The following ARHGEF10 variants were observed in gnomAD, a reference collection of about 807,000 sequenced individuals.
ARHGEF10 encodes the protein Rho guanine nucleotide exchange factor 10.
ARHGEF10 carries 140 observed loss-of-function variants against 147.4 expected under a neutral mutation model. The observed-to-expected ratio is 0.95, with a 90% confidence interval of 0.83 to 1.09. The LOEUF (loss-of-function observed/expected upper bound fraction) is 1.09. ARHGEF10 is among the 50% of genes least tolerant of loss of function. The pLI is 0.00. For missense variants in ARHGEF10, 2,222 were observed against 1,752.7 expected (o/e 1.27, Z -4.78); for synonymous variants, 902 against 695.8 (o/e 1.30, Z -4.67).
chr8:1,940,469 G>C (rs1178574923), intron 26 of ARHGEF10, among the ~76,000 whole-genome samples: 1 of 152,114 alleles, frequency 6.6e-6, no homozygotes, highest in Non-Finnish European at 1.5e-5. Flanking sequence ...AAAGTAGTAA[G>C]GAAATTGAAT....
chr8:1,898,015 CA>C (rs1810149107), intron 14 of ARHGEF10, among the ~76,000 whole-genome samples: 2 of 152,160 alleles, frequency 1.3e-5, no homozygotes, highest in South Asian at 4.1e-4. Context: ...GCCTTGGTAG[CA>C]AATGGCCCCA....
At chr8:1,901,609 G>T (rs113742144) in intron 15 of ARHGEF10, among the ~76,000 whole-genome samples, 1,729 of 152,344 alleles carry the variant, frequency 0.011, 43 homozygotes, top group African/African-American at 0.04. Context: ...CCTTCCCTGA[G>T]CCTCCTTGGG....
At chr8:1,955,379 A>G in intron 28 of ARHGEF10, among the ~76,000 whole-genome samples, 2 of 140,256 alleles carry the variant, frequency 1.4e-5, no homozygotes, top group Admixed American at 7.0e-5. Flanking sequence ...GCTCCCTGAA[A>G]GGAGGTGTAC....
intron 5 of ARHGEF10, among the ~76,000 whole-genome samples, chr8:1,865,444 CA>C (rs1284019783): frequency 1.3e-5 from 2 of 151,558 alleles, no homozygotes; most frequent in Non-Finnish European, 2.9e-5. Context: ...AGGGGGCCAT[CA>C]CCAGGGCATG....
rs776020924 is a variant in ARHGEF10 at position 1,923,857 on chromosome 8, T to C, written c.2471T>C (p.Met824Thr). 6.2e-7 allele frequency: 1 copy of C among 1,614,174 alleles called. No homozygotes were observed. ...IKESWVNSLQ[M>T]AKLALEEENH... ...GAGTCCTGGGTCAACAGCTTACAGA[T>C]GGCCAAGCTCGCCCTAGGTAAGGCC... The change falls in exon 21 of 29, where the codon ATG (methionine) becomes ACG (threonine). Residue 824 changes from methionine to threonine, a missense_variant. Coordinates refer to ENST00000349830, the MANE Select transcript of ARHGEF10 (RefSeq NM_014629.4).
At chr8:1,939,600 G>A (rs1013384369) in intron 26 of ARHGEF10, among the ~76,000 whole-genome samples, 1 of 152,228 alleles carries the variant, frequency 6.6e-6, no homozygotes, top group Non-Finnish European at 1.5e-5. Flanking sequence ...CAGGGCCCTC[G>A]GCAGCTGCCT....
At chr8:1,880,407 C>T (rs749915237) in intron 9 of ARHGEF10, among the ~76,000 whole-genome samples, 6 of 152,192 alleles carry the variant, frequency 3.9e-5, no homozygotes, top group East Asian at 3.9e-4. Flanking sequence ...TCACCGCTGG[C>T]GGAATGCCAT....
intron 18 of ARHGEF10, among the ~76,000 whole-genome samples, chr8:1,913,790 G>GCTT (rs992313359): frequency 2.0e-5 from 3 of 152,224 alleles, no homozygotes; most frequent in African/African-American, 7.2e-5. Context: ...TGCCAGGAGT[G>GCTT]CTTCTGTACA....
intron 1 of ARHGEF10, among the ~76,000 whole-genome samples, chr8:1,838,575 C>G (rs1381420746): frequency 6.6e-6 from 1 of 152,288 alleles, no homozygotes; most frequent in Non-Finnish European, 1.5e-5. Context: ...GAGCCACGCA[C>G]TCTTCAGCAC....
intron 2 of ARHGEF10, among the ~76,000 whole-genome samples, chr8:1,850,661 A>G (rs929740507): frequency 5.9e-5 from 9 of 152,132 alleles, no homozygotes; most frequent in African/African-American, 2.2e-4. Flanking sequence ...ACCTGAGCAC[A>G]CTCTTACCGT....
intron 27 of ARHGEF10, among the ~76,000 whole-genome samples, chr8:1,946,349 C>T (rs901359479): frequency 6.6e-6 from 1 of 152,204 alleles, no homozygotes; most frequent in Non-Finnish European, 1.5e-5. Flanking sequence ...CCGAGCCCTT[C>T]GGCTGCTGTG....
intron 15 of ARHGEF10, among the ~76,000 whole-genome samples, chr8:1,900,502 G>A (rs1396887219): frequency 6.6e-6 from 1 of 152,140 alleles, no homozygotes; most frequent in African/African-American, 2.4e-5. Flanking sequence ...CTAGTACACT[G>A]TCCACACCCC....
rs1004368201 is a variant in ARHGEF10 at position 1,877,922 on chromosome 8, C to T, written c.843+1188C>T. ...TTGTCGATAACCGGTGTTATCCCTCCGGTCCCCTAGTAACCCCCAGTAAGC... is the reference window on the plus strand; with the variant it reads ...TTGTCGATAACCGGTGTTATCCCTCTGGTCCCCTAGTAACCCCCAGTAAGC... On this transcript the variant is annotated intron_variant, in intron 8 of 28. Transcript: ENST00000349830. Among the ~76,000 whole-genome samples the T allele has an allele frequency of 1.4e-4, 22 of 152,012 alleles. No homozygotes were observed. The South Asian group carries it at 1.7e-3, about 11-fold the overall frequency.
chr8:1,848,467 AAC>A (rs1804724829), intron 2 of ARHGEF10, among the ~76,000 whole-genome samples: 1 of 151,340 alleles, frequency 6.6e-6, no homozygotes, highest in Non-Finnish European at 1.5e-5. Context: ...GCTTCAGAAT[AAC>A]ACAGCAGGAT....
chr8:1,885,714 T>C lies in ARHGEF10; in HGVS notation c.1182+7T>C. 1 of 1,601,498 alleles carries C rather than the reference T, an allele frequency of 6.2e-7. No individual in the cohort carries two copies. The highest frequency in any genetic ancestry group is 1.7e-4 in the Middle Eastern group (1 of 6,046). On this transcript the variant is annotated splice_region_variant and intron_variant, in intron 11 of 28. Transcript: ENST00000349830. ...GGGTTTATCTCAGCAGCAGGTGAGA[T>C]GAGCAGAGCTGACAGGGGCTGTTGA...
intron 1 of ARHGEF10, among the ~76,000 whole-genome samples, chr8:1,830,374 A>C (rs1803021456): frequency 6.6e-6 from 1 of 152,142 alleles, no homozygotes; most frequent in Non-Finnish European, 1.5e-5. Context: ...GGGGCCGTGC[A>C]AACACCTGCG....
At chr8:1,825,960 AT>A in intron 1 of ARHGEF10, 1 of 676,114 alleles carries the variant, frequency 1.5e-6, no homozygotes, top group Middle Eastern at 2.4e-4. Context: ...ATAGAAAATA[AT>A]TTTTATTCGA....
At chr8:1,930,007 T>C (rs1812996267) in intron 25 of ARHGEF10, among the ~76,000 whole-genome samples, 1 of 152,110 alleles carries the variant, frequency 6.6e-6, no homozygotes, top group Admixed American at 6.5e-5. Flanking sequence ...CCCTGCCGCG[T>C]TGGTGGCAGC....
chr8:1,844,464 G>GTCACCGGGGCCTGGTAGA (rs1162405166), intron 2 of ARHGEF10, among the ~76,000 whole-genome samples: 2 of 152,032 alleles, frequency 1.3e-5, no homozygotes, highest in African/African-American at 4.8e-5. Flanking sequence ...GAATCCAGGG[G>GTCACCGGGGCCTGGTAGA]TGAGCAGTGG....
Sources: gnomAD v4.1 joint callset for allele counts (sites outside exome capture counted in the v4.1 genomes callset) on GRCh38, gnomAD v4.1.1 for gene constraint, MANE v1.5 for transcripts, NCBI Gene and HGNC (gene_info 2026-07-23, HGNC 2026-07-21) for gene names.